RBFOX3: variants seen among roughly 807,000 people sequenced by gnomAD.
RBFOX3 encodes RNA binding protein fox-1 homolog 3.
A neutral mutation model predicts 48.7 loss-of-function variants in RBFOX3; 17 were observed. The observed-to-expected ratio is 0.35, with a 90% confidence interval of 0.24 to 0.52. The LOEUF is 0.52. RBFOX3 is among the 20% of genes least tolerant of loss of function. The pLI, the probability that RBFOX3 is intolerant of heterozygous loss-of-function variation, is 0.94. For missense variants in RBFOX3, 382 were observed against 497.5 expected (o/e 0.77, Z 2.21); for synonymous variants, 212 against 209.5 (o/e 1.01, Z -0.10).
At chr17:79,524,810 A>T (rs918627233) in intron 1 of RBFOX3, among the ~76,000 whole-genome samples, 12 of 152,152 alleles carry the variant, frequency 7.9e-5, no homozygotes, top group Non-Finnish European at 7.4e-5. Flanking sequence ...GGGTGGGTTC[A>T]AGCCGAATGA....
chr17:79,461,387 G>A (rs1466718345), intron 2 of RBFOX3, among the ~76,000 whole-genome samples: 2 of 152,170 alleles, frequency 1.3e-5, no homozygotes, highest in African/African-American at 2.4e-5. Flanking sequence ...CATTCTCCCT[G>A]GGACAGTGAG....
At chr17:79,157,228 C>G (rs2046015410) in intron 4 of RBFOX3, among the ~76,000 whole-genome samples, 1 of 152,218 alleles carries the variant, frequency 6.6e-6, no homozygotes, top group African/African-American at 2.4e-5. Flanking sequence ...ACTCTGTCCT[C>G]ACGCTCCCTC....
At position 79,480,439 on chromosome 17, in the gene RBFOX3, G is replaced by A. The variant is rs942007032; in HGVS notation, c.-175+2015C>T. Reference sequence around the variant, plus strand: ...CCTCACAGAAGGCAGAGACACCTTTGTATGTCTCAGGCCATTCAATCCCTC... The same window carrying A: ...CCTCACAGAAGGCAGAGACACCTTTATATGTCTCAGGCCATTCAATCCCTC... On this transcript the variant is annotated intron_variant, in intron 2 of 14. Coordinates refer to ENST00000693108, the MANE Select transcript of RBFOX3 (RefSeq NM_001350451.2). The surrounding 1 kb of genome is among the most constrained non-coding windows in gnomAD (Gnocchi z 4.8). Among the ~76,000 whole-genome samples, 84 of 152,242 alleles carry A rather than the reference G, an allele frequency of 5.5e-4. No homozygotes were observed. The highest frequency in any genetic ancestry group is 2.0e-3 in the African/African-American group (81 of 41,526).
intron 2 of RBFOX3, among the ~76,000 whole-genome samples, chr17:79,332,937 GAC>G (rs2080607878): frequency 6.8e-6 from 1 of 146,832 alleles, no homozygotes; most frequent in African/African-American, 2.5e-5. Context: ...CAGATAGACA[GAC>G]ACAGAGAAAC....
At chr17:79,484,990 T>A (rs2149521243) in intron 1 of RBFOX3, among the ~76,000 whole-genome samples, 1 of 152,258 alleles carries the variant, frequency 6.6e-6, no homozygotes, top group South Asian at 2.1e-4. Context: ...TCCCAAGCAT[T>A]TGCTTTAACT....
chr17:79,629,938 T>A, the RBFOX3 span, among the ~76,000 whole-genome samples: 1 of 152,244 alleles, frequency 6.6e-6, no homozygotes, highest in Admixed American at 6.5e-5. Flanking sequence ...AAGGACACAC[T>A]CCTGGGCCTG....
chr17:79,585,106 T>C lies in RBFOX3; in HGVS notation c.-320+25720A>G, dbSNP rs993543163. Reference sequence around the variant, plus strand: ...GGGACTCTGGGGAAAGTGTGGGGGGTGGTGAGGGGATAAAAGACGACACAC... The same window carrying C: ...GGGACTCTGGGGAAAGTGTGGGGGGCGGTGAGGGGATAAAAGACGACACAC... On this transcript the variant is annotated intron_variant, in intron 1 of 14. Transcript: ENST00000693108. 8.1e-4 allele frequency among the ~76,000 whole-genome samples: 120 copies of C among 148,792 alleles called. 3 individuals are homozygous for C. The South Asian group carries it at 0.019, about 24-fold the overall frequency.
At chr17:79,659,348 C>T in the RBFOX3 span, among the ~76,000 whole-genome samples, 6 of 152,178 alleles carry the variant, frequency 3.9e-5, no homozygotes, top group South Asian at 4.2e-4. Context: ...CTGGGTCAAG[C>T]GGCCTGTTGT....
At chr17:79,583,609 G>A (rs1383042546) in intron 1 of RBFOX3, among the ~76,000 whole-genome samples, 1 of 152,180 alleles carries the variant, frequency 6.6e-6, no homozygotes, top group African/African-American at 2.4e-5. Flanking sequence ...AGGGAGAGGA[G>A]GCACTCCAAG....
chr17:79,494,903 C>T (rs1317568040), intron 1 of RBFOX3, among the ~76,000 whole-genome samples: 1 of 152,220 alleles, frequency 6.6e-6, no homozygotes, highest in Admixed American at 6.5e-5. Flanking sequence ...AGGAGCCATG[C>T]AGAGCTGGAG....
intron 3 of RBFOX3, among the ~76,000 whole-genome samples, chr17:79,264,972 G>C (rs557385350): frequency 6.6e-5 from 10 of 152,102 alleles, no homozygotes; most frequent in Non-Finnish European, 8.8e-5. Context: ...AGGAGGGGGG[G>C]GGGGCGCAGA....
rs546239818 is a variant in RBFOX3 at position 79,455,728 on chromosome 17, C to T, written c.-175+26726G>A. ...CCACACACTCGCTCACAGCATCAGA[C>T]GGACGCAGACATTCACACATTCCAC... On this transcript the variant is annotated intron_variant, in intron 2 of 14. Coordinates refer to ENST00000693108, the MANE Select transcript of RBFOX3 (RefSeq NM_001350451.2). Among the ~76,000 whole-genome samples the T allele has an allele frequency of 1.4e-3, 218 of 152,282 alleles. 2 individuals are homozygous for T. The highest frequency in any genetic ancestry group is 5.0e-3 in the African/African-American group (208 of 41,548).
intron 1 of RBFOX3, among the ~76,000 whole-genome samples, chr17:79,607,446 A>G (rs2145485628): frequency 6.6e-6 from 1 of 152,166 alleles, no homozygotes; most frequent in Non-Finnish European, 1.5e-5. Flanking sequence ...GCTGAAAAAT[A>G]ATATTGCAGT....
chr17:79,258,971 G>A (rs1197251371), intron 3 of RBFOX3, among the ~76,000 whole-genome samples: 1 of 152,268 alleles, frequency 6.6e-6, no homozygotes, highest in Non-Finnish European at 1.5e-5. Flanking sequence ...GCTTGCTAGA[G>A]GGAAGCCTGC....
chr17:79,189,423 C>T (rs1039796931), intron 4 of RBFOX3, among the ~76,000 whole-genome samples: 25 of 152,206 alleles, frequency 1.6e-4, no homozygotes, highest in African/African-American at 4.6e-4. Flanking sequence ...TGAACATGCT[C>T]GTCGTTAGCC....
At chr17:79,240,977 T>TA (rs893379194) in intron 3 of RBFOX3, among the ~76,000 whole-genome samples, 7 of 135,772 alleles carry the variant, frequency 5.2e-5, no homozygotes, top group African/African-American at 1.0e-4. Context: ...ATTTTTCAAT[T>TA]AAAAAAAAAT....
chr17:79,447,896 T>C (rs1555739190), intron 2 of RBFOX3, among the ~76,000 whole-genome samples: 1 of 152,126 alleles, frequency 6.6e-6, no homozygotes, highest in African/African-American at 2.4e-5. Flanking sequence ...GGTGATTGAA[T>C]CCCAGGGGTA....
chr17:79,544,878 A>C (rs1284203954), intron 1 of RBFOX3, among the ~76,000 whole-genome samples: 1 of 151,648 alleles, frequency 6.6e-6, no homozygotes, highest in Admixed American at 6.6e-5. Flanking sequence ...CCCGCACCCC[A>C]AACTCAAACA....
intron 4 of RBFOX3, among the ~76,000 whole-genome samples, chr17:79,172,775 GAC>G (rs1421483706): frequency 6.6e-6 from 1 of 152,208 alleles, no homozygotes; most frequent in East Asian, 1.9e-4. Flanking sequence ...CAATCTCAAA[GAC>G]AGTACAGACA....
Sources: allele counts gnomAD v4.1 joint callset (sites outside exome capture counted in the v4.1 genomes callset), GRCh38; gene constraint gnomAD v4.1.1; non-coding constraint Gnocchi (gnomAD v3.1); transcripts MANE v1.5; gene names NCBI Gene and HGNC (gene_info 2026-07-23, HGNC 2026-07-21).